Variants in ZMIZ1 observed in about 807,000 individuals in gnomAD.
ZMIZ1 encodes the protein zinc finger MIZ-type containing 1, also known as zinc finger MIZ domain-containing protein 1.
ZMIZ1 carries 17 observed loss-of-function variants against 113.9 expected under a neutral mutation model. That is an observed-to-expected ratio of 0.15 (90% CI 0.10 to 0.22). The LOEUF (loss-of-function observed/expected upper bound fraction) is 0.22, where lower values mean the gene tolerates loss of function less well. ZMIZ1 is among the 10% of genes least tolerant of loss of function. The probability of loss-of-function intolerance (pLI) is 1.00; values close to 1 mark genes in which losing one functional copy is unlikely to be tolerated. For missense variants in ZMIZ1, 1,059 were observed against 1,477.8 expected, an observed-to-expected ratio of 0.72 and a Z score of 4.65; for synonymous variants, 607 against 603.1, an observed-to-expected ratio of 1.01 and a Z score of -0.09.
intron 7 of ZMIZ1, among the ~76,000 whole-genome samples, chr10:79,254,763 G>A (rs1850773281): frequency 1.3e-5 from 2 of 152,304 alleles, no homozygotes; most frequent in South Asian, 4.1e-4. Flanking sequence ...GCGTTGGTGG[G>A]TGAGGGTGCC....
intron 3 of ZMIZ1, among the ~76,000 whole-genome samples, chr10:79,160,880 G>A (rs575431715): frequency 6.6e-6 from 1 of 152,358 alleles, no homozygotes; most frequent in African/African-American, 2.4e-5. Context: ...TTAGAGGTGG[G>A]CACTCCGGTG....
intron 1 of ZMIZ1, among the ~76,000 whole-genome samples, chr10:79,070,887 C>T (rs1327805857): frequency 1.3e-5 from 2 of 151,970 alleles, no homozygotes; most frequent in African/African-American, 4.8e-5. Context: ...CGCTCTCCCC[C>T]TTCTCCTCTC....
At chr10:79,127,353 C>G (rs1187204619) in intron 2 of ZMIZ1, among the ~76,000 whole-genome samples, 1 of 152,194 alleles carries the variant, frequency 6.6e-6, no homozygotes, top group African/African-American at 2.4e-5. Flanking sequence ...CAGCCATGGG[C>G]TCCTTGGACT....
At chr10:79,230,968 C>T (rs1419238239) in intron 7 of ZMIZ1, among the ~76,000 whole-genome samples, 3 of 152,240 alleles carry the variant, frequency 2.0e-5, no homozygotes, top group African/African-American at 7.2e-5. Flanking sequence ...ACCCCTCCTC[C>T]GAGGGCACTC....
chr10:79,206,026 T>G (rs1426979774), intron 5 of ZMIZ1, among the ~76,000 whole-genome samples: 1 of 151,416 alleles, frequency 6.6e-6, no homozygotes, highest in Non-Finnish European at 1.5e-5. Context: ...GAGGATCACT[T>G]GAGCCCAGGA....
intron 7 of ZMIZ1, among the ~76,000 whole-genome samples, chr10:79,247,962 C>T (rs1177889403): frequency 6.6e-6 from 1 of 152,208 alleles, no homozygotes; most frequent in Non-Finnish European, 1.5e-5. Flanking sequence ...CTCATCTCTG[C>T]CTCATCTTTA....
At chr10:79,293,312 C>G (rs1297390439) in intron 11 of ZMIZ1, 69 bp from the exon 12 acceptor site, 1 of 1,500,298 alleles carries the variant, frequency 6.7e-7, no homozygotes, top group Admixed American at 2.3e-5. Context: ...CCTCCCTGCA[C>G]TTTCAATGCA....
chr10:79,152,768 G>A (rs1845762471), intron 3 of ZMIZ1, among the ~76,000 whole-genome samples: 1 of 152,250 alleles, frequency 6.6e-6, no homozygotes, highest in African/African-American at 2.4e-5. Context: ...TCTGTGAGAT[G>A]GGGCTAACAC....
At chr10:79,252,569 G>A (rs1185563683) in intron 7 of ZMIZ1, among the ~76,000 whole-genome samples, 1 of 152,196 alleles carries the variant, frequency 6.6e-6, no homozygotes, top group Admixed American at 6.5e-5. Flanking sequence ...CTGAAGCCTT[G>A]CTTTCACCCT....
rs1843186790 is a variant in ZMIZ1 at position 79,096,908 on chromosome 10, G to T, written c.-336-22007G>T. Among the ~76,000 whole-genome samples, 3 of 152,332 alleles carry T rather than the reference G, an allele frequency of 2.0e-5. No individual in the cohort carries two copies. In the South Asian group the frequency reaches 6.2e-4, roughly 32 times the overall value. On this transcript the variant is annotated intron_variant, in intron 1 of 24. Transcript: ENST00000334512. The stretch of plus-strand genomic sequence containing the variant: ...AAAACCACCCAGAGGTGAGTGTGGG[G>T]GCCTTGAGACAGGAAGGCCTTTCTG...
chr10:79,128,151 C>A (rs1438013459), intron 2 of ZMIZ1, among the ~76,000 whole-genome samples: 1 of 152,194 alleles, frequency 6.6e-6, no homozygotes, highest in Non-Finnish European at 1.5e-5. Flanking sequence ...TCTCCCTCCC[C>A]CTTTTCTCCC....
At chr10:79,202,105 C>G (rs1356663800) in intron 5 of ZMIZ1, among the ~76,000 whole-genome samples, 1 of 133,800 alleles carries the variant, frequency 7.5e-6, no homozygotes, top group Non-Finnish European at 1.6e-5. Context: ...TGGCAGCTTA[C>G]GCCTGTAATC....
chr10:79,275,403 G>A (rs1425005759), intron 7 of ZMIZ1, among the ~76,000 whole-genome samples: 1 of 152,208 alleles, frequency 6.6e-6, no homozygotes, highest in East Asian at 1.9e-4. Context: ...CCCTCTTGGG[G>A]ACCACAGCCC....
intron 4 of ZMIZ1, among the ~76,000 whole-genome samples, chr10:79,176,426 C>A (rs2132551228): frequency 6.6e-6 from 1 of 152,172 alleles, no homozygotes; most frequent in Admixed American, 6.5e-5. Context: ...GATCTTAGAG[C>A]TCCGAGGTCT....
intron 2 of ZMIZ1, among the ~76,000 whole-genome samples, chr10:79,137,975 C>T (rs1845088486): frequency 6.6e-6 from 1 of 152,198 alleles, no homozygotes; most frequent in African/African-American, 2.4e-5. Flanking sequence ...GATCTGGCTT[C>T]AGGAAGTCCC....
At chr10:79,271,443 G>A (rs1851947270) in intron 7 of ZMIZ1, among the ~76,000 whole-genome samples, 1 of 152,164 alleles carries the variant, frequency 6.6e-6, no homozygotes, top group African/African-American at 2.4e-5. Flanking sequence ...ACTTGCTCAA[G>A]GTGTCACACA....
intron 4 of ZMIZ1, among the ~76,000 whole-genome samples, chr10:79,196,558 C>A (rs1000001186): frequency 6.6e-6 from 1 of 152,272 alleles, no homozygotes. Context: ...GGCCTCCAGA[C>A]AAGACTGCCC....
chr10:79,215,872 CT>C (rs1238663163), intron 6 of ZMIZ1, among the ~76,000 whole-genome samples: 1 of 152,110 alleles, frequency 6.6e-6, no homozygotes, highest in Non-Finnish European at 1.5e-5. Flanking sequence ...CAGCCGACTT[CT>C]AAAATGTGGT....
intron 1 of ZMIZ1, among the ~76,000 whole-genome samples, chr10:79,111,599 C>A (rs1414988632): frequency 6.6e-6 from 1 of 152,158 alleles, no homozygotes. Flanking sequence ...CCCACACAGG[C>A]CAGAGCCTGA....
Sources: gnomAD v4.1 joint callset for allele counts (sites outside exome capture counted in the v4.1 genomes callset) on GRCh38, gnomAD v4.1.1 for gene constraint, MANE v1.5 for transcripts, NCBI Gene and HGNC (gene_info 2026-07-23, HGNC 2026-07-21) for gene names.